Variants in ASXL2 observed in about 807,000 individuals in gnomAD.
ASXL2 encodes putative Polycomb group protein ASXL2.
Under a neutral mutation model 122.0 loss-of-function variants are expected in ASXL2, and 23 were observed. That is an observed-to-expected ratio of 0.19 (90% confidence interval 0.14 to 0.27). The LOEUF (loss-of-function observed/expected upper bound fraction) is 0.27, where lower values mean the gene tolerates loss of function less well. Ranked by LOEUF, ASXL2 falls within the 10% of genes least tolerant of loss-of-function variation. The pLI is 1.00. For missense variants in ASXL2, 1,518 were observed against 1,713.8 expected (o/e 0.89, Z 2.02); for synonymous variants, 650 against 637.0 (o/e 1.02, Z -0.31).
chr2:25,833,665 C>T (rs2089479022), intron 3 of ASXL2, among the ~76,000 whole-genome samples: 1 of 151,928 alleles, frequency 6.6e-6, no homozygotes, highest in South Asian at 2.1e-4. Context: ...CACTGCACTC[C>T]AGCCTGGGCA....
At chr2:25,847,188 G>A (rs2089659497) in intron 1 of ASXL2, among the ~76,000 whole-genome samples, 1 of 152,156 alleles carries the variant, frequency 6.6e-6, no homozygotes, top group Admixed American at 6.5e-5. Flanking sequence ...GCTGTGTCCA[G>A]TGTTTGTAAC....
At chr2:25,793,931 A>G (rs1409670710) in intron 5 of ASXL2, among the ~76,000 whole-genome samples, 1 of 152,194 alleles carries the variant, frequency 6.6e-6, no homozygotes, top group Non-Finnish European at 1.5e-5. Flanking sequence ...AACACAACAC[A>G]GTGCTAAAAC....
At chr2:25,802,984 T>TA (rs2089023016) in intron 4 of ASXL2, among the ~76,000 whole-genome samples, 2 of 151,906 alleles carry the variant, frequency 1.3e-5, no homozygotes, top group Admixed American at 6.6e-5. Context: ...TACAAAAAAT[T>TA]AGTTAGGCGA....
chr2:25,771,370 A>G lies in ASXL2; in HGVS notation c.504+70T>C. 2.2e-6 allele frequency: 3 copies of G among 1,391,236 alleles called. No individual in the cohort carries two copies. The South Asian group carries it at 4.1e-5, about 19-fold the overall frequency. The allele number at this position is 1,391,236 out of a possible 1,614,324, so 86.2% of individuals were successfully genotyped here. A position where few individuals can be genotyped will look rare whatever the true frequency, so the allele number is the denominator to read the frequency against. On this transcript the variant is annotated intron_variant, in intron 6 of 12. Coordinates refer to ENST00000435504, the MANE Select transcript of ASXL2 (RefSeq NM_018263.6). Reference sequence around the variant, plus strand: ...GTAAAAAATTTTCAAAAAATATCCGATGACTGCCAGAGGTGTGCGTTTTAA... The same window carrying G: ...GTAAAAAATTTTCAAAAAATATCCGGTGACTGCCAGAGGTGTGCGTTTTAA...
rs375239292 is a variant in ASXL2, at chr2:25,841,727, C to A, written c.140+3754G>T. On this transcript the variant is annotated intron_variant, in intron 2 of 12. Transcript: ENST00000435504. ...CTTTGGGAGACCGAGGAGGGTGGAT[C>A]ACGAGGTCAGGAGATCGAGACCATC... Among the ~76,000 whole-genome samples, 3 of 152,040 alleles carry A rather than the reference C, an allele frequency of 2.0e-5. No individual in the cohort carries two copies. The East Asian group carries it at 5.8e-4, about 29-fold the overall frequency.
intron 4 of ASXL2, among the ~76,000 whole-genome samples, chr2:25,803,619 G>A (rs1457025423): frequency 6.6e-6 from 1 of 152,216 alleles, no homozygotes; most frequent in Non-Finnish European, 1.5e-5. Flanking sequence ...AAGGGTCAGG[G>A]AGTGGGATGG....
intron 2 of ASXL2, 48 bp from the exon 3 acceptor site, chr2:25,835,588 C>T: frequency 3.9e-6 from 1 of 257,504 alleles, no homozygotes; most frequent in South Asian, 3.5e-5. Context: ...AAAAAAAAAG[C>T]TTTTAATTTT....
chr2:25,790,487 T>TA (rs1342806910), intron 5 of ASXL2, among the ~76,000 whole-genome samples: 4 of 152,124 alleles, frequency 2.6e-5, no homozygotes, highest in Non-Finnish European at 5.9e-5. Flanking sequence ...ACCCTGTTTA[T>TA]AGTCTTTTCT....
At chr2:25,776,341 A>G (rs2088545981) in intron 5 of ASXL2, among the ~76,000 whole-genome samples, 1 of 149,400 alleles carries the variant, frequency 6.7e-6, no homozygotes, top group African/African-American at 2.4e-5. Context: ...ATGTATAAAT[A>G]CTTTATTCTT....
rs2088398078 is a variant in ASXL2, at chr2:25,768,841, G to C, written c.532C>G (p.Gln178Glu). 1 of 1,613,496 alleles carries C rather than the reference G, an allele frequency of 6.2e-7. No individual in the cohort carries two copies. The highest frequency in any genetic ancestry group is 1.3e-5 in the African/African-American group (1 of 74,918). The change falls in exon 7 of 13, where the codon CAG becomes GAG. Residue 178 changes from glutamine to glutamate, a missense_variant. Coordinates refer to ENST00000435504, the MANE Select transcript of ASXL2 (RefSeq NM_018263.6). ...ATGCTTGGCCTGCATTGCTGCTGCT[G>C]CTTCTTCTGCTGTTGCTGCTTTAGC... ...QALKQQQQKK[Q>E]QQQCRPSISI...
chr2:25,817,238 T>C (rs2089249546), intron 3 of ASXL2, among the ~76,000 whole-genome samples: 1 of 152,142 alleles, frequency 6.6e-6, no homozygotes, highest in Non-Finnish European at 1.5e-5. Flanking sequence ...AAACAAGGAA[T>C]GGAGAAACTA....
In ASXL2 at chr2:25,797,606, A is replaced by G. The variant is rs141239592; in HGVS notation, c.403+1779T>C. ...CTGATGAGACATCTCACGAAAGAAG[A>G]TATGTAGATGGCAAACAAGTAAATG... On this transcript the variant is annotated intron_variant, in intron 5 of 12. Coordinates refer to ENST00000435504, the MANE Select transcript of ASXL2 (RefSeq NM_018263.6). 1.2e-4 allele frequency among the ~76,000 whole-genome samples: 18 copies of G among 152,388 alleles called. No individual in the cohort carries two copies. In the East Asian group the frequency reaches 3.1e-3, roughly 26 times the overall value.
intron 3 of ASXL2, among the ~76,000 whole-genome samples, chr2:25,825,241 A>T (rs758598202): frequency 6.6e-6 from 1 of 152,226 alleles, no homozygotes; most frequent in Non-Finnish European, 1.5e-5. Context: ...ATATAACAAG[A>T]TGGCTGTTTC....
At chr2:25,809,164 G>T (rs75892114) in intron 3 of ASXL2, among the ~76,000 whole-genome samples, 1 of 152,098 alleles carries the variant, frequency 6.6e-6, no homozygotes, top group Admixed American at 6.5e-5. Context: ...TTCAAGGAGG[G>T]AGGATAGCAA....
intron 11 of ASXL2, among the ~76,000 whole-genome samples, chr2:25,751,145 T>C (rs2088037591): frequency 6.6e-6 from 1 of 152,218 alleles, no homozygotes; most frequent in Non-Finnish European, 1.5e-5. Flanking sequence ...CTCTTCTTAA[T>C]GTTTTAGAAT....
intron 2 of ASXL2, among the ~76,000 whole-genome samples, chr2:25,843,321 T>C (rs925902348): frequency 8.0e-6 from 1 of 124,408 alleles, no homozygotes; most frequent in South Asian, 2.5e-4. Flanking sequence ...AAAAAAAAAA[T>C]AGAGACGGGG....
rs2087808197 is a variant in ASXL2, at chr2:25,740,362, T to G, written c.*1667A>C. On this transcript the variant is annotated 3_prime_UTR_variant, in exon 13 of 13. Coordinates refer to ENST00000435504, the MANE Select transcript of ASXL2 (RefSeq NM_018263.6). Reference sequence around the variant, plus strand: ...ATTTTCTCCTAATCTGGAATGTGACTTAACAAGTTTAAACTGTTCTGCATT... The same window carrying G: ...ATTTTCTCCTAATCTGGAATGTGACGTAACAAGTTTAAACTGTTCTGCATT... 1 of 224,724 alleles carries G rather than the reference T, an allele frequency of 4.4e-6. No homozygotes were observed. The highest frequency in any genetic ancestry group is 1.3e-3 in the Middle Eastern group (1 of 772). 13.9% of individuals were successfully genotyped at this position (224,724 alleles called of 1,614,324 possible).
At chr2:25,856,467 G>C in intron 1 of ASXL2, 4 of 990,916 alleles carry the variant, frequency 4.0e-6, no homozygotes, top group Middle Eastern at 3.4e-4. Flanking sequence ...CTTCTCACTT[G>C]GCCTTCGGGT....
rs549687902 is a variant in ASXL2, at chr2:25,824,259, C to G, written c.143+11279G>C. 2.0e-5 allele frequency among the ~76,000 whole-genome samples: 3 copies of G among 151,808 alleles called. No individual in the cohort carries two copies. In the East Asian group the frequency reaches 5.8e-4, roughly 29 times the overall value. On this transcript the variant is annotated intron_variant, in intron 3 of 12. Coordinates refer to ENST00000435504, the MANE Select transcript of ASXL2 (RefSeq NM_018263.6). ...TAATAATACTAAAACTCCATAAACT[C>G]AGGAAAAAAAATATGGAAAAGAAGC...
Sources: allele counts gnomAD v4.1 joint callset (sites outside exome capture counted in the v4.1 genomes callset), GRCh38; gene constraint gnomAD v4.1.1; transcripts MANE v1.5; gene names NCBI Gene and HGNC (gene_info 2026-07-23, HGNC 2026-07-21).